The following CNTN5 variants were observed in gnomAD, a reference collection of about 807,000 sequenced individuals.
CNTN5 encodes the protein contactin 5, also known as contactin-5.
Under a neutral mutation model 129.1 loss-of-function variants are expected in CNTN5, and 77 were observed. The observed-to-expected ratio is 0.60, with a 90% CI of 0.50 to 0.72. The LOEUF (loss-of-function observed/expected upper bound fraction) is 0.72. CNTN5 is among the 30% of genes least tolerant of loss of function. CNTN5 has a pLI of 0.00. For synonymous variants in CNTN5, 509 were observed against 465.6 expected, an observed-to-expected ratio of 1.09 and a Z score of -1.20; for missense variants, 1,478 against 1,328.8, an observed-to-expected ratio of 1.11 and a Z score of -1.75.
intron 3 of CNTN5, among the ~76,000 whole-genome samples, chr11:99,589,274 A>G (rs1169067283): frequency 6.6e-6 from 1 of 152,250 alleles, no homozygotes; most frequent in Non-Finnish European, 1.5e-5. Context: ...ACAATTTCAG[A>G]GGAAATCACC....
At chr11:100,017,564 T>A (rs1434634715) in intron 9 of CNTN5, among the ~76,000 whole-genome samples, 2 of 151,982 alleles carry the variant, frequency 1.3e-5, no homozygotes, top group African/African-American at 2.4e-5. Flanking sequence ...AACTTAGGGA[T>A]CAATTAAATT....
At chr11:99,481,759 C>T (rs1945610586) in intron 2 of CNTN5, among the ~76,000 whole-genome samples, 1 of 152,136 alleles carries the variant, frequency 6.6e-6, no homozygotes, top group African/African-American at 2.4e-5. Flanking sequence ...AGTCTAAATA[C>T]TTATCTTTTT....
intron 23 of CNTN5, among the ~76,000 whole-genome samples, chr11:100,343,142 G>A (rs536870973): frequency 6.6e-6 from 1 of 152,280 alleles, no homozygotes; most frequent in East Asian, 1.9e-4. Flanking sequence ...TTGCCTGCCA[G>A]TTCCCTCTTA....
At chr11:99,824,162 A>G (rs1336068814) in intron 4 of CNTN5, among the ~76,000 whole-genome samples, 1 of 151,978 alleles carries the variant, frequency 6.6e-6, no homozygotes, top group Non-Finnish European at 1.5e-5. Context: ...GTATTTTAGG[A>G]GTGCAATTTT....
chr11:99,647,490 C>G (rs751831448), intron 3 of CNTN5, among the ~76,000 whole-genome samples: 24 of 151,656 alleles, frequency 1.6e-4, no homozygotes, highest in Non-Finnish European at 3.1e-4. Flanking sequence ...CAGTCTTGTT[C>G]TTTTTGCTCA....
chr11:99,082,418 C>T (rs1456286325), intron 1 of CNTN5, among the ~76,000 whole-genome samples: 5 of 152,048 alleles, frequency 3.3e-5, no homozygotes, highest in African/African-American at 1.2e-4. Flanking sequence ...CTCTTGACCT[C>T]GTGATCCGCC....
intron 13 of CNTN5, among the ~76,000 whole-genome samples, chr11:100,130,361 C>T (rs905009584): frequency 2.6e-5 from 4 of 152,116 alleles, no homozygotes; most frequent in African/African-American, 7.2e-5. Flanking sequence ...ACACAACAGA[C>T]GTAGTCCCTG....
rs190030737 is a variant in CNTN5 at position 99,340,815 on chromosome 11, T to A, written c.-71+15331T>A. On this transcript the variant is annotated intron_variant, in intron 2 of 24. Transcript: ENST00000524871. ...GTAATTAATTGCAAAAGCTATGGTATTACAATTACATAAATCTACATTAAA... is the reference window on the plus strand; with the variant it reads ...GTAATTAATTGCAAAAGCTATGGTAATACAATTACATAAATCTACATTAAA... Among the ~76,000 whole-genome samples the A allele has an allele frequency of 9.5e-4, 144 of 152,332 alleles. 1 individual carries two copies. The highest frequency in any genetic ancestry group is 3.3e-3 in the African/African-American group (139 of 41,594).
chr11:99,704,802 A>T (rs1465335635), intron 3 of CNTN5, among the ~76,000 whole-genome samples: 1 of 151,322 alleles, frequency 6.6e-6, no homozygotes, highest in African/African-American at 2.4e-5. Flanking sequence ...GTAAAAAAAT[A>T]AAAAATGCGA....
intron 1 of CNTN5, among the ~76,000 whole-genome samples, chr11:99,134,135 A>G (rs1285269523): frequency 6.6e-6 from 1 of 152,200 alleles, no homozygotes; most frequent in Non-Finnish European, 1.5e-5. Flanking sequence ...CATTATCCTC[A>G]GCAAACTAAC....
In CNTN5 at chr11:99,165,496, G is replaced by T. The variant is rs1860826191; in HGVS notation, c.-210+144226G>T. Among the ~76,000 whole-genome samples the T allele has an allele frequency of 2.0e-5, 3 of 152,234 alleles. No individual in the cohort carries two copies. In the South Asian group the frequency reaches 6.2e-4, roughly 32 times the overall value. The stretch of plus-strand genomic sequence containing the variant: ...TGTAAATACAGTGTTTCCCAGAGGG[G>T]AGAGGAGAGGAAGGACACCAACTTT... On this transcript the variant is annotated intron_variant, in intron 1 of 24. Coordinates refer to ENST00000524871, the MANE Select transcript of CNTN5 (RefSeq NM_014361.4).
At chr11:99,758,977 T>G (rs1467929932) in intron 3 of CNTN5, among the ~76,000 whole-genome samples, 1 of 151,982 alleles carries the variant, frequency 6.6e-6, no homozygotes, top group Non-Finnish European at 1.5e-5. Flanking sequence ...GCAATAGTAT[T>G]CCAAAAGAAT....
In CNTN5 at chr11:99,894,421, T is replaced by G. The variant is rs141106512; in HGVS notation, c.578-21633T>G. ...TGGAGAGTTTCAAATTTTATAGGTTTTTTTTTCACAAGCTATTTTTGTTTA... is the reference window on the plus strand; with the variant it reads ...TGGAGAGTTTCAAATTTTATAGGTTGTTTTTTCACAAGCTATTTTTGTTTA... On this transcript the variant is annotated intron_variant, in intron 6 of 24. Coordinates refer to ENST00000524871, the MANE Select transcript of CNTN5 (RefSeq NM_014361.4). Among the ~76,000 whole-genome samples the G allele has an allele frequency of 4.8e-3, 729 of 151,210 alleles. 14 individuals are homozygous for G. The highest frequency in any genetic ancestry group is 0.018 in the Admixed American group (269 of 15,176).
intron 2 of CNTN5, among the ~76,000 whole-genome samples, chr11:99,399,100 C>T (rs4753951): frequency 1 from 151,640 of 151,796 alleles, 75,743 homozygotes; most frequent in Non-Finnish European, 1. Context: ...CAGCATTTAA[C>T]ATTTAATTGT....
intron 13 of CNTN5, among the ~76,000 whole-genome samples, chr11:100,129,000 G>A (rs1003077510): frequency 6.6e-6 from 1 of 152,036 alleles, no homozygotes; most frequent in African/African-American, 2.4e-5. Context: ...GTAACAATTT[G>A]TTTACAGAGT....
intron 13 of CNTN5, among the ~76,000 whole-genome samples, chr11:100,177,211 C>A (rs1203746385): frequency 6.6e-6 from 1 of 151,998 alleles, no homozygotes; most frequent in Non-Finnish European, 1.5e-5. Flanking sequence ...CCCTCCCAAG[C>A]CAGGAAAAAG....
chr11:100,147,925 T>G (rs1419943756), intron 13 of CNTN5, among the ~76,000 whole-genome samples: 1 of 152,158 alleles, frequency 6.6e-6, no homozygotes, highest in Non-Finnish European at 1.5e-5. Context: ...AATTGTTTAA[T>G]TTAGAAGGTG....
intron 1 of CNTN5, among the ~76,000 whole-genome samples, chr11:99,290,164 G>A (rs754272211): frequency 5.3e-5 from 8 of 151,652 alleles, no homozygotes; most frequent in African/African-American, 1.2e-4. Flanking sequence ...CTTATTGAGC[G>A]CTTGCCACTT....
At chr11:100,222,175 CA>C (rs1348089113) in intron 15 of CNTN5, among the ~76,000 whole-genome samples, 2 of 152,048 alleles carry the variant, frequency 1.3e-5, no homozygotes. Context: ...GAATTGGGCC[CA>C]AAATGAGACG....
Sources: allele counts gnomAD v4.1 joint callset (sites outside exome capture counted in the v4.1 genomes callset), GRCh38; gene constraint gnomAD v4.1.1; transcripts MANE v1.5; gene names NCBI Gene and HGNC (gene_info 2026-07-23, HGNC 2026-07-21).